ESYT3: variants seen among roughly 807,000 people sequenced by gnomAD.
ESYT3 encodes extended synaptotagmin 3, also known as extended synaptotagmin-3.
ESYT3 carries 101 observed loss-of-function variants against 111.5 expected under a neutral mutation model. The observed-to-expected ratio is 0.91, with a 90% confidence interval of 0.77 to 1.07. The LOEUF (loss-of-function observed/expected upper bound fraction) is 1.07, where lower values mean the gene tolerates loss of function less well. Ranked by LOEUF, ESYT3 falls within the 50% of genes least tolerant of loss-of-function variation. The pLI is 0.00. For synonymous variants in ESYT3, 416 were observed against 446.8 expected (o/e 0.93, Z 0.87); for missense variants, 1,097 against 1,109.4 (o/e 0.99, Z 0.16).
intron 14 of ESYT3, chr3:138,469,194 G>T: frequency 1.7e-6 from 1 of 593,466 alleles, no homozygotes; most frequent in Non-Finnish European, 3.0e-6. Context: ...CCTGTGCCTG[G>T]CCAGGCCCAG....
chr3:138,479,012 A>G lies in ESYT3; in HGVS notation c.*2158A>G, dbSNP rs900164469. ...GTTGCCACTCCCATCCAGGGCACAT[A>G]TGCGACAACTGCAGCAGATGGCTGT... On this transcript the variant is annotated 3_prime_UTR_variant, in exon 23 of 23. Coordinates refer to ENST00000389567, the MANE Select transcript of ESYT3 (RefSeq NM_031913.5). 1.3e-5 allele frequency: 2 copies of G among 152,230 alleles called. No homozygotes were observed. Among genetic ancestry groups the G allele is most frequent in the African/African-American group, 4.8e-5 (2 of 41,448 alleles). 9.4% of individuals were successfully genotyped at this position (152,230 alleles called of 1,614,324 possible).
Position 138,471,086 on chromosome 3 carries a change from T to A in ESYT3, c.1740+60T>A, listed in dbSNP as rs953352690. 15 of 1,418,110 alleles carry A rather than the reference T, an allele frequency of 1.1e-5. No individual in the cohort carries two copies. The African/African-American group carries it at 2.1e-4, about 20-fold the overall frequency. 87.8% of individuals were successfully genotyped at this position (1,418,110 alleles called of 1,614,324 possible). On this transcript the variant is annotated intron_variant, in intron 17 of 22. Transcript: ENST00000389567. ...ATAGAGCTCTGGCAATGGAGCAAGG[T>A]GTACTGCCCCAGCACTAAGCACCTG...
At position 138,476,934 on chromosome 3, in the gene ESYT3, C is replaced by A. The variant is rs2033515010; in HGVS notation, c.*80C>A. On this transcript the variant is annotated 3_prime_UTR_variant, in exon 23 of 23. Transcript: ENST00000389567. ...TTTTTTCCTTTGGATCACTTACATC[C>A]AATATATGTATATTTTGTCATTTAA... 11 of 1,059,588 alleles carry A rather than the reference C, an allele frequency of 1.0e-5. No individual in the cohort carries two copies. Among genetic ancestry groups the A allele is most frequent in the South Asian group, 4.7e-5 (3 of 63,480 alleles). The allele number at this position is 1,059,588 out of a possible 1,614,324, so 65.6% of individuals were successfully genotyped here. A position where few individuals can be genotyped will look rare whatever the true frequency, so the allele number is the denominator to read the frequency against.
intron 8 of ESYT3, 136 bp downstream of exon 8, chr3:138,462,342 G>T: frequency 8.1e-7 from 1 of 1,235,074 alleles, no homozygotes. Context: ...AAACACCATC[G>T]CCCACGTCAT....
intron 2 of ESYT3, among the ~76,000 whole-genome samples, chr3:138,452,733 G>A (rs1347008212): frequency 6.6e-6 from 1 of 152,296 alleles, no homozygotes; most frequent in Non-Finnish European, 1.5e-5. Flanking sequence ...CCCTAACTGT[G>A]AGGGCTCCAC....
chr3:138,469,707 CAG>C (rs2033119749), intron 15 of ESYT3, among the ~76,000 whole-genome samples: 1 of 152,194 alleles, frequency 6.6e-6, no homozygotes, highest in African/African-American at 2.4e-5. Context: ...ACCAAGGACA[CAG>C]AACTAGGGTT....
chr3:138,437,831 C>T (rs1416316215), intron 1 of ESYT3, among the ~76,000 whole-genome samples: 1 of 151,970 alleles, frequency 6.6e-6, no homozygotes, highest in African/African-American at 2.4e-5. Flanking sequence ...CTTCAGGGTG[C>T]TTTCTGGTTT....
chr3:138,456,324 C>A (rs1272357185), intron 3 of ESYT3, among the ~76,000 whole-genome samples: 2 of 152,220 alleles, frequency 1.3e-5, no homozygotes, highest in East Asian at 3.8e-4. Flanking sequence ...GTGGCAGTAT[C>A]TGCGTGCATG....
At chr3:138,470,841 G>C in intron 16 of ESYT3, 36 bp from the exon 17 acceptor site, 3 of 1,613,392 alleles carry the variant, frequency 1.9e-6, no homozygotes, top group Non-Finnish European at 2.5e-6. Flanking sequence ...GTGGGGCTTG[G>C]TTATCCTCTT....
chr3:138,434,802 C>G lies in ESYT3; in HGVS notation c.4C>G (p.Arg2Gly), dbSNP rs776245309. Residue 2 changes from arginine (R) to glycine (G), a missense_variant, in exon 1 of 23, where the codon CGA becomes GGA. Transcript: ENST00000389567. M[R>G]AEEPCAPGAP... is the part of the protein sequence containing the mutation. ...AGGGCAAGACTGCGGCGACGAGATGCGAGCAGAGGAGCCCTGCGCCCCCGG... is the reference window on the plus strand; with the variant it reads ...AGGGCAAGACTGCGGCGACGAGATGGGAGCAGAGGAGCCCTGCGCCCCCGG... 4 of 1,549,744 alleles carry G rather than the reference C, an allele frequency of 2.6e-6. No homozygotes were observed. The highest frequency in any genetic ancestry group is 3.5e-6 in the Non-Finnish European group (4 of 1,152,162).
At chr3:138,469,596 G>C in intron 15 of ESYT3, 92 bp downstream of exon 15, 1 of 999,184 alleles carries the variant, frequency 1.0e-6, no homozygotes, top group Non-Finnish European at 1.6e-6. Flanking sequence ...ATTAACTTAT[G>C]GTGAATGCCT....
At chr3:138,454,920 G>A (rs746629994) in intron 2 of ESYT3, among the ~76,000 whole-genome samples, 13 of 152,220 alleles carry the variant, frequency 8.5e-5, no homozygotes, top group Non-Finnish European at 1.9e-4. Flanking sequence ...TGTAGTGAAT[G>A]AGTATTTCTT....
At chr3:138,469,551 A>C (rs760707698) in intron 15 of ESYT3, 47 bp downstream of exon 15, 2 of 1,543,158 alleles carry the variant, frequency 1.3e-6, no homozygotes, top group Non-Finnish European at 1.8e-6. Flanking sequence ...ACAAGGACCC[A>C]GCCCTTCTCA....
At position 138,472,437 on chromosome 3, in the gene ESYT3, C is replaced by T. The variant is rs771759386; in HGVS notation, c.1815C>T (p.Leu605=). 1 of 1,614,212 alleles carries T rather than the reference C, an allele frequency of 6.2e-7. No individual in the cohort carries two copies. The highest frequency in any genetic ancestry group is 8.5e-7 in the Non-Finnish European group (1 of 1,180,038). ...GPEALKKGPL[L]IKKVATNQGP... Reference sequence around the variant, plus strand: ...AAGCCCTAAAGAAAGGCCCTCTGCTCATCAAGAAAGTGGCTACCAACCAGG... The same window carrying T: ...AAGCCCTAAAGAAAGGCCCTCTGCTTATCAAGAAAGTGGCTACCAACCAGG... Residue 605 remains leucine, a synonymous_variant, in exon 18 of 23, where the codon CTC becomes CTT. Transcript: ENST00000389567.
intron 1 of ESYT3, among the ~76,000 whole-genome samples, chr3:138,443,952 C>T (rs960348270): frequency 1.3e-5 from 2 of 152,174 alleles, no homozygotes; most frequent in African/African-American, 2.4e-5. Context: ...ACCTTGGCTC[C>T]GATGGGAGGC....
chr3:138,454,983 T>G (rs1331388273), intron 2 of ESYT3, among the ~76,000 whole-genome samples: 1 of 152,136 alleles, frequency 6.6e-6, no homozygotes, highest in Non-Finnish European at 1.5e-5. Flanking sequence ...TGCATGACAG[T>G]GGGAACCACG....
chr3:138,473,667 G>A (rs772594397), intron 19 of ESYT3, 33 bp downstream of exon 19: 1 of 1,572,516 alleles, frequency 6.4e-7, no homozygotes, highest in Non-Finnish European at 8.7e-7. Flanking sequence ...GAGGTCCTTT[G>A]GGAGCATCAG....
rs1320548560 is a variant in ESYT3, at chr3:138,434,796, G to T, written c.-3G>T. On this transcript the variant is annotated 5_prime_UTR_variant, in exon 1 of 23. Coordinates refer to ENST00000389567, the MANE Select transcript of ESYT3 (RefSeq NM_031913.5). Reference sequence around the variant, plus strand: ...TCGGGAAGGGCAAGACTGCGGCGACGAGATGCGAGCAGAGGAGCCCTGCGC... The same window carrying T: ...TCGGGAAGGGCAAGACTGCGGCGACTAGATGCGAGCAGAGGAGCCCTGCGC... 2 of 1,546,448 alleles carry T rather than the reference G, an allele frequency of 1.3e-6. No homozygotes were observed. The highest frequency in any genetic ancestry group is 2.4e-5 in the South Asian group (2 of 82,478).
chr3:138,460,678 G>A lies in ESYT3; in HGVS notation c.794+12G>A, dbSNP rs373068024. On this transcript the variant is annotated intron_variant, in intron 7 of 22. Coordinates refer to ENST00000389567, the MANE Select transcript of ESYT3 (RefSeq NM_031913.5). ...GCGCCGGGAATCAAGTAGGTGCCTG[G>A]GAGAGCCTCGAGGGAGATCATAAGT... 6.2e-7 allele frequency: 1 copy of A among 1,613,970 alleles called. No homozygotes were observed. The highest frequency in any genetic ancestry group is 1.1e-5 in the South Asian group (1 of 91,076).
Sources: gnomAD v4.1 joint callset for allele counts (sites outside exome capture counted in the v4.1 genomes callset) on GRCh38, gnomAD v4.1.1 for gene constraint, MANE v1.5 for transcripts, NCBI Gene and HGNC (gene_info 2026-07-23, HGNC 2026-07-21) for gene names.